Variants in MTCL3 observed in about 807,000 individuals in gnomAD.
MTCL3 encodes microtubule cross-linking factor 3.
the MTCL3 span, among the ~76,000 whole-genome samples, chr6:127,480,572 C>T: frequency 2.6e-5 from 4 of 152,058 alleles, no homozygotes; most frequent in Admixed American, 6.6e-5. Flanking sequence ...TGTGTGATTT[C>T]GCATAGAAAA....
At chr6:127,475,284 G>C in the MTCL3 span, 2 of 1,594,010 alleles carry the variant, frequency 1.3e-6, no homozygotes, top group Admixed American at 3.4e-5. The surrounding 1 kb of genome is among the most constrained non-coding windows in gnomAD (Gnocchi z 7.3). Flanking sequence ...GCAATAGGCA[G>C]AACTGTACCT....
the MTCL3 span, among the ~76,000 whole-genome samples, chr6:127,511,173 C>T: frequency 6.6e-6 from 1 of 152,190 alleles, no homozygotes; most frequent in Non-Finnish European, 1.5e-5. Flanking sequence ...ACATATCCTG[C>T]CTTCGCAGCC....
At chr6:127,500,721 T>C in the MTCL3 span, among the ~76,000 whole-genome samples, 9 of 152,196 alleles carry the variant, frequency 5.9e-5, no homozygotes, top group Non-Finnish European at 1.2e-4. Flanking sequence ...GTATATACTA[T>C]AACAATGAAA....
the MTCL3 span, among the ~76,000 whole-genome samples, chr6:127,493,732 T>C: frequency 2.0e-5 from 3 of 152,248 alleles, no homozygotes; most frequent in Non-Finnish European, 4.4e-5. Context: ...AAGCAAATTT[T>C]AAAAGCTGAG....
chr6:127,516,042 C>T, the MTCL3 span: 3 of 1,554,234 alleles, frequency 1.9e-6, no homozygotes, highest in Non-Finnish European at 2.6e-6. Flanking sequence ...CCCTGGGCGG[C>T]GGCGGCTGCG....
the MTCL3 span, among the ~76,000 whole-genome samples, chr6:127,492,454 G>C: frequency 6.6e-6 from 1 of 152,076 alleles, no homozygotes. Flanking sequence ...TCAAACACAA[G>C]AAAAATAAAG....
chr6:127,488,072 C>T, the MTCL3 span, among the ~76,000 whole-genome samples: 1 of 152,158 alleles, frequency 6.6e-6, no homozygotes, highest in Admixed American at 6.5e-5. Flanking sequence ...TCTCCCACCA[C>T]ACTCCTCACT....
chr6:127,510,029 G>A, the MTCL3 span, among the ~76,000 whole-genome samples: 1 of 151,870 alleles, frequency 6.6e-6, no homozygotes, highest in Non-Finnish European at 1.5e-5. Flanking sequence ...ATTATATTTA[G>A]TATCCTCCAG....
the MTCL3 span, among the ~76,000 whole-genome samples, chr6:127,497,246 A>G: frequency 1.3e-5 from 2 of 152,228 alleles, no homozygotes. Context: ...CACCCCAATC[A>G]TATTTTCCCC....
the MTCL3 span, chr6:127,516,276 G>A: frequency 3.9e-5 from 59 of 1,503,180 alleles, no homozygotes; most frequent in Non-Finnish European, 4.5e-5. Flanking sequence ...CTCCCGGAGC[G>A]GCCCCTTTGG....
the MTCL3 span, chr6:127,515,869 T>C: frequency 1.2e-6 from 2 of 1,611,434 alleles, no homozygotes; most frequent in Non-Finnish European, 1.7e-6. The surrounding 1 kb of genome is among the most constrained non-coding windows in gnomAD (Gnocchi z 4.3). Context: ...TTCTTTCCAG[T>C]AGCTCCCTCC....
chr6:127,490,325 A>G, the MTCL3 span, among the ~76,000 whole-genome samples: 1 of 152,154 alleles, frequency 6.6e-6, no homozygotes. Flanking sequence ...CAAGGAGACT[A>G]ATGTTCTTTT....
chr6:127,502,941 T>G, the MTCL3 span, among the ~76,000 whole-genome samples: 1 of 152,258 alleles, frequency 6.6e-6, no homozygotes, highest in Non-Finnish European at 1.5e-5. Context: ...TCTAGTCCTA[T>G]GTTCCTAGTT....
At chr6:127,494,380 A>C in the MTCL3 span, among the ~76,000 whole-genome samples, 1 of 152,194 alleles carries the variant, frequency 6.6e-6, no homozygotes, top group Non-Finnish European at 1.5e-5. Flanking sequence ...GAAGAAAAAA[A>C]AATAGAGGCT....
At chr6:127,480,169 G>A in the MTCL3 span, among the ~76,000 whole-genome samples, 1 of 152,198 alleles carries the variant, frequency 6.6e-6, no homozygotes, top group East Asian at 1.9e-4. Flanking sequence ...TTCACTTTAA[G>A]AGCCACTACT....
chr6:127,474,885 T>C, the MTCL3 span, among the ~76,000 whole-genome samples: 1 of 152,254 alleles, frequency 6.6e-6, no homozygotes, highest in East Asian at 1.9e-4. Flanking sequence ...GGATCTTGGC[T>C]CAAAAACCAC....
chr6:127,516,720 G>A, the MTCL3 span: 1 of 1,482,612 alleles, frequency 6.7e-7, no homozygotes, highest in South Asian at 1.3e-5. Flanking sequence ...AGAAACAAAA[G>A]GAGAGAAGAA....
chr6:127,493,611 C>T, the MTCL3 span, among the ~76,000 whole-genome samples: 1 of 152,210 alleles, frequency 6.6e-6, no homozygotes, highest in Non-Finnish European at 1.5e-5. Flanking sequence ...CCCTCTTCTG[C>T]TAGACAGCTA....
At chr6:127,492,669 C>T in the MTCL3 span, among the ~76,000 whole-genome samples, 5 of 152,072 alleles carry the variant, frequency 3.3e-5, no homozygotes, top group South Asian at 2.1e-4. Flanking sequence ...TACAGGCGCC[C>T]GCCACCACAC....
Sources: allele counts gnomAD v4.1 joint callset (sites outside exome capture counted in the v4.1 genomes callset), GRCh38; gene constraint gnomAD v4.1.1; non-coding constraint Gnocchi (gnomAD v3.1); transcripts MANE v1.5; gene names NCBI Gene and HGNC (gene_info 2026-07-23, HGNC 2026-07-21).